Variants in PARP14 observed in about 807,000 individuals in gnomAD.
PARP14 encodes poly(ADP-ribose) polymerase family member 14.
Under a neutral mutation model 154.2 loss-of-function variants are expected in PARP14, and 59 were observed. The ratio of observed to expected loss-of-function variants is 0.38; its 90% confidence interval spans 0.31 to 0.48. The LOEUF is 0.48. Ranked by LOEUF, PARP14 falls within the 20% of genes least tolerant of loss-of-function variation. PARP14 has a pLI of 0.98. For missense variants in PARP14, 1,734 were observed against 2,131.6 expected (o/e 0.81, Z 3.67); for synonymous variants, 720 against 780.5 (o/e 0.92, Z 1.29).
Position 122,713,514 on chromosome 3 carries a change from C to T in PARP14, c.3710C>T (p.Thr1237Met), listed in dbSNP as rs768215107. 10 of 1,613,312 alleles carry T rather than the reference C, an allele frequency of 6.2e-6. No individual in the cohort carries two copies. The highest frequency in any genetic ancestry group is 1.3e-5 in the African/African-American group (1 of 74,972). Reference protein sequence around the residue: ...IIFQVASGDITKEEADVIVNS... With the variant: ...IIFQVASGDIMKEEADVIVNS... ...TTCCAGGTGGCTTCTGGAGATATCA[C>T]GAAAGAAGAGGCAGATGTGATTGTA... is the stretch of plus-strand genomic sequence containing the variant. Residue 1237 changes from threonine (T) to methionine (M), a missense_variant, in exon 10 of 17, where the codon ACG becomes ATG. Around this residue, in one of 2 missense-constraint regions of PARP14, gnomAD observed 1,646 missense variants for 1,976.0 expected, o/e 0.83. Transcript: ENST00000474629.
chr3:122,724,882 T>G (rs1011405434), intron 15 of PARP14, among the ~76,000 whole-genome samples: 51 of 152,202 alleles, frequency 3.4e-4, no homozygotes, highest in Non-Finnish European at 1.2e-4. Context: ...CAAGCATCTG[T>G]TTAACAAAGC....
intron 9 of PARP14, among the ~76,000 whole-genome samples, chr3:122,709,720 A>C (rs556014894): frequency 3.3e-5 from 5 of 152,096 alleles, no homozygotes; most frequent in Admixed American, 1.3e-4. Flanking sequence ...TCTTGACTTA[A>C]GTTATGGCCA....
At chr3:122,716,993 G>A (rs1933018533) in intron 12 of PARP14, among the ~76,000 whole-genome samples, 1 of 152,242 alleles carries the variant, frequency 6.6e-6, no homozygotes. Context: ...GTGAATGAAT[G>A]TAACTGAATG....
At chr3:122,683,908 G>T (rs1163193025) in intron 1 of PARP14, among the ~76,000 whole-genome samples, 1 of 152,196 alleles carries the variant, frequency 6.6e-6, no homozygotes, top group Non-Finnish European at 1.5e-5. Context: ...TTAGCTTGTT[G>T]TCAGGCTGCA....
rs1938889299 is a variant in PARP14, at chr3:122,699,667, C to T, written c.1113C>T (p.Thr371=). The change falls in exon 6 of 17, where the codon ACC becomes ACT. Residue 371 remains threonine (T), a synonymous_variant. Coordinates refer to ENST00000474629, the MANE Select transcript of PARP14 (RefSeq NM_017554.3). ...AAGTTACCATCAGACCAGCAGCCAC[C>T]TTAGTCAATGAAGGAAGACCGAGAA... The part of the protein sequence containing the change: ...SGKVTIRPAA[T]LVNEGRPRIK... 6.2e-7 allele frequency: 1 copy of T among 1,613,998 alleles called. No individual in the cohort carries two copies.
chr3:122,718,406 G>A lies in PARP14; in HGVS notation c.4255G>A (p.Val1419Ile). ...KQSPQKKNHLVLEKKTESATF... is the reference protein window; with the variant it reads ...KQSPQKKNHLILEKKTESATF... ...ATCTCCCCAAAAAAAGAATCATTTG[G>A]TTTTGGAAAAGAAAACAGAATCAGC... Residue 1419 changes from valine to isoleucine, a missense_variant, in exon 14 of 17, where the codon GTT (valine) becomes ATT (isoleucine). Physicochemically the swap from Val to Ile is conservative, Grantham distance 29. This residue lies in a region of PARP14 where 1,646 missense variants were observed against 1,976.0 expected (regional missense o/e 0.83). Transcript: ENST00000474629. The A allele has an allele frequency of 6.2e-7, 1 of 1,613,026 alleles. No homozygotes were observed. The highest frequency in any genetic ancestry group is 2.2e-5 in the East Asian group (1 of 44,876).
Position 122,705,817 on chromosome 3 carries a change from T to C in PARP14, c.3540+1069T>C, listed in dbSNP as rs573037120. 2.6e-5 allele frequency among the ~76,000 whole-genome samples: 4 copies of C among 152,330 alleles called. No individual in the cohort carries two copies. The East Asian group carries it at 5.8e-4, about 22-fold the overall frequency. On this transcript the variant is annotated intron_variant, in intron 8 of 16. Coordinates refer to ENST00000474629, the MANE Select transcript of PARP14 (RefSeq NM_017554.3). ...GGAAGCAAGTAAATCTGACCTGAAT[T>C]CTGATCAGGCAGCCAAACCACCTGA...
intron 2 of PARP14, among the ~76,000 whole-genome samples, chr3:122,685,783 C>G (rs904898504): frequency 2.0e-5 from 3 of 152,112 alleles, no homozygotes; most frequent in African/African-American, 7.2e-5. Flanking sequence ...GCTGGGATTA[C>G]AGTCATGAGC....
At chr3:122,714,130 A>G (rs1932925596) in intron 11 of PARP14, 132 bp from the exon 12 acceptor site, 1 of 818,310 alleles carries the variant, frequency 1.2e-6, no homozygotes, top group Middle Eastern at 2.5e-4. Context: ...ATAGCATTCC[A>G]TCAAAGATAG....
chr3:122,726,588 A>T lies in PARP14; in HGVS notation c.4942-1224A>T, dbSNP rs374651603. On this transcript the variant is annotated intron_variant, in intron 15 of 16. Coordinates refer to ENST00000474629, the MANE Select transcript of PARP14 (RefSeq NM_017554.3). The stretch of plus-strand genomic sequence containing the variant: ...GACATCTGCTGCTAATAATAAACCT[A>T]CTAAATAAAGTTTAAGATTTATTTG... Among the ~76,000 whole-genome samples, 457 of 152,324 alleles carry T rather than the reference A, an allele frequency of 3.0e-3. 2 individuals are homozygous for T. The highest frequency in any genetic ancestry group is 0.01 in the African/African-American group (421 of 41,566).
intron 14 of PARP14, among the ~76,000 whole-genome samples, chr3:122,719,854 T>C (rs1420986919): frequency 6.6e-6 from 1 of 152,194 alleles, no homozygotes; most frequent in South Asian, 2.1e-4. Flanking sequence ...CAAAAATCCA[T>C]GCACAAACAA....
In PARP14 at chr3:122,713,427, T is replaced by C; in HGVS notation, c.3623T>C (p.Phe1208Ser). The part of the protein sequence containing the change: ...KIPKAKDTQG[F>S]YGTVSSPDSG... ...ACTTTACTTCTTTTCTTTTCAGGTT[T>C]TTATGGGACTGTTTCTAGCCCTGAT... Residue 1208 changes from phenylalanine to serine, a missense_variant, in exon 10 of 17, where the codon TTT becomes TCT. Phe to Ser is a radical substitution (Grantham distance 155, BLOSUM62 -2). Transcript: ENST00000474629. The C allele has an allele frequency of 6.2e-7, 1 of 1,606,066 alleles. No individual in the cohort carries two copies. The highest frequency in any genetic ancestry group is 8.5e-7 in the Non-Finnish European group (1 of 1,175,776).
rs1419401596 is a variant in PARP14, at chr3:122,729,949, C to T, written c.*1352C>T. 1 of 152,120 alleles carries T rather than the reference C, an allele frequency of 6.6e-6. No individual in the cohort carries two copies. The highest frequency in any genetic ancestry group is 1.5e-5 in the Non-Finnish European group (1 of 68,038). 9.4% of individuals were successfully genotyped at this position (152,120 alleles called of 1,614,324 possible). ...CAGTCATATTGCTAATTTGCTAACT[C>T]CTATCTATTGAATGGTGAAGTTTTA... On this transcript the variant is annotated 3_prime_UTR_variant, in exon 17 of 17. Coordinates refer to ENST00000474629, the MANE Select transcript of PARP14 (RefSeq NM_017554.3).
chr3:122,703,010 ACAAAAAAAAAAAACAAAAAAC>A (rs1429588441), intron 6 of PARP14, among the ~76,000 whole-genome samples: 6 of 98,768 alleles, frequency 6.1e-5, no homozygotes, highest in Non-Finnish European at 6.5e-5. Flanking sequence ...AAAAAAAAAA[ACAAAAAAAAAAAACAAAAAAC>A]AAAAAACAGT....
intron 5 of PARP14, among the ~76,000 whole-genome samples, chr3:122,698,980 A>G (rs1229717268): frequency 1.3e-5 from 2 of 152,234 alleles, no homozygotes; most frequent in Admixed American, 6.5e-5. Flanking sequence ...ATTTCTTAAC[A>G]TGATGGTGAT....
At chr3:122,695,038 C>T (rs1026268341) in intron 4 of PARP14, among the ~76,000 whole-genome samples, 6 of 152,170 alleles carry the variant, frequency 3.9e-5, no homozygotes, top group African/African-American at 1.4e-4. Context: ...AAATTAGTTT[C>T]GAGTCACATC....
chr3:122,721,132 G>A (rs915884543), intron 15 of PARP14: 9 of 325,604 alleles, frequency 2.8e-5, no homozygotes, highest in Admixed American at 1.4e-4. Context: ...CTTTATTCAC[G>A]CCATTTATGC....
At position 122,700,954 on chromosome 3, in the gene PARP14, T is replaced by C. The variant is rs911120162; in HGVS notation, c.2400T>C (p.Pro800=). Residue 800 remains proline (P), a synonymous_variant, in exon 6 of 17, where the codon CCT becomes CCC. Transcript: ENST00000474629. ...GCTTCTCTCGGACAGTCTTGGCCCC[T>C]GGCGTTGTGCTGATTGTGCAGCAGG... The part of the protein sequence containing the change: ...QKCFSRTVLA[P]GVVLIVQQGD... The C allele has an allele frequency of 2.5e-6, 4 of 1,613,908 alleles. No individual in the cohort carries two copies. The African/African-American group carries it at 5.3e-5, about 22-fold the overall frequency.
Position 122,714,330 on chromosome 3 carries a change from G to A in PARP14, c.3901G>A (p.Val1301Ile). The change falls in exon 12 of 17, where the codon GTA (valine) becomes ATA (isoleucine). Residue 1301 changes from valine to isoleucine, a missense_variant. Val to Ile is a conservative substitution (Grantham distance 29, BLOSUM62 3). Coordinates refer to ENST00000474629, the MANE Select transcript of PARP14 (RefSeq NM_017554.3). ...TTTGAGGTGCAAGAATATCATTCAT[G>A]TAATTGGTGGAAATGATGTCAAGAG... is the stretch of plus-strand genomic sequence containing the variant. ...GFLRCKNIIH[V>I]IGGNDVKSSV... 6.3e-7 allele frequency: 1 copy of A among 1,593,296 alleles called. No homozygotes were observed. Among genetic ancestry groups the A allele is most frequent in the East Asian group, 2.3e-5 (1 of 44,344 alleles).
Sources: allele counts gnomAD v4.1 joint callset (sites outside exome capture counted in the v4.1 genomes callset), GRCh38; gene constraint gnomAD v4.1.1; regional missense constraint gnomAD v4.1.1; transcripts MANE v1.5; gene names NCBI Gene and HGNC (gene_info 2026-07-23, HGNC 2026-07-21).